MVB12B: variants seen among roughly 807,000 people sequenced by gnomAD.
MVB12B encodes multivesicular body subunit 12B, also known as ESCRT-I complex subunit MVB12B.
MVB12B carries 16 observed loss-of-function variants against 41.6 expected under a neutral mutation model. That is an observed-to-expected ratio of 0.38 (90% CI 0.26 to 0.58). The LOEUF is 0.58. MVB12B is among the 20% of genes least tolerant of loss of function. The pLI, the probability that MVB12B is intolerant of heterozygous loss-of-function variation, is 0.62. For missense variants in MVB12B, 274 were observed against 380.2 expected (o/e 0.72, Z 2.32); for synonymous variants, 133 against 139.7 (o/e 0.95, Z 0.34).
chr9:126,413,845 T>TGTGTGTGTGTG (rs1554776225), intron 6 of MVB12B, among the ~76,000 whole-genome samples: 9 of 139,218 alleles, frequency 6.5e-5, no homozygotes, highest in African/African-American at 1.6e-4. Context: ...TGTGTGTGTG[T>TGTGTGTGTGTG]GTGTGTGTAT....
At chr9:126,357,236 T>G (rs1362941494) in intron 2 of MVB12B, among the ~76,000 whole-genome samples, 1 of 152,238 alleles carries the variant, frequency 6.6e-6, no homozygotes, top group Non-Finnish European at 1.5e-5. Context: ...GTTGTACACC[T>G]GTATGACAGT....
intron 2 of MVB12B, among the ~76,000 whole-genome samples, chr9:126,368,001 T>C (rs879342384): frequency 6.6e-6 from 1 of 152,172 alleles, no homozygotes; most frequent in African/African-American, 2.4e-5. Context: ...AGCTTAGTGA[T>C]GATGGCACAT....
At chr9:126,422,090 ACC>A in intron 7 of MVB12B, 142 bp downstream of exon 7, 3 of 637,532 alleles carry the variant, frequency 4.7e-6, no homozygotes, top group South Asian at 1.8e-5. Context: ...CCCTGCAGGG[ACC>A]AGGCCTTCCC....
intron 2 of MVB12B, among the ~76,000 whole-genome samples, chr9:126,378,586 G>A (rs1456598957): frequency 6.6e-6 from 1 of 151,862 alleles, no homozygotes; most frequent in Non-Finnish European, 1.5e-5. Flanking sequence ...TTCCTTGGAG[G>A]TTAGGGGAGT....
Position 126,505,738 on chromosome 9 carries a change from CAGG to C in MVB12B, c.*2478_*2480del, listed in dbSNP as rs2119254223. 1 of 152,180 alleles carries C rather than the reference CAGG, an allele frequency of 6.6e-6. No homozygotes were observed. Among genetic ancestry groups the C allele is most frequent in the Non-Finnish European group, 1.5e-5 (1 of 68,038 alleles). The allele number at this position is 152,180 out of a possible 1,614,324, so 9.4% of individuals were successfully genotyped here. A position where few individuals can be genotyped will look rare whatever the true frequency, so the allele number is the denominator to read the frequency against. On this transcript the variant is annotated 3_prime_UTR_variant, in exon 10 of 10. Transcript: ENST00000361171. ...TAAGCCCACCTGAGTGGGGCTCGTG[CAGG>C]AGAACTGAGGCATGAAACTCTGGCT...
At chr9:126,427,930 C>G (rs1832225655) in intron 7 of MVB12B, among the ~76,000 whole-genome samples, 1 of 151,620 alleles carries the variant, frequency 6.6e-6, no homozygotes, top group African/African-American at 2.4e-5. Flanking sequence ...GGTGTATTGG[C>G]CACTCCTCTG....
chr9:126,458,570 G>A (rs1267047484), intron 7 of MVB12B, among the ~76,000 whole-genome samples: 1 of 152,098 alleles, frequency 6.6e-6, no homozygotes, highest in Non-Finnish European at 1.5e-5. Context: ...AAGAACAGGC[G>A]CCAGGTCTCC....
At chr9:126,463,714 T>C (rs1833138339) in intron 7 of MVB12B, among the ~76,000 whole-genome samples, 1 of 152,164 alleles carries the variant, frequency 6.6e-6, no homozygotes, top group Non-Finnish European at 1.5e-5. Context: ...CCATCCCCAA[T>C]TCTCTGGGCT....
rs190456394 is a variant in MVB12B at position 126,450,452 on chromosome 9, T to A, written c.757+28504T>A. ...GGAGACATTGTCAGCCTGCAGCTTA[T>A]TTGTCATGTCACAGCAGCCTTGTGG... On this transcript the variant is annotated intron_variant, in intron 7 of 9. Coordinates refer to ENST00000361171, the MANE Select transcript of MVB12B (RefSeq NM_033446.3). Among the ~76,000 whole-genome samples, 13 of 152,304 alleles carry A rather than the reference T, an allele frequency of 8.5e-5. No homozygotes were observed. In the East Asian group the frequency reaches 1.4e-3, roughly 16 times the overall value.
rs750379679 is a variant in MVB12B at position 126,503,254 on chromosome 9, G to A, written c.951G>A (p.Pro317=). 5.3e-5 allele frequency: 82 copies of A among 1,550,066 alleles called. No individual in the cohort carries two copies. Among genetic ancestry groups the A allele is most frequent in the Non-Finnish European group, 6.6e-5 (76 of 1,146,800 alleles). Residue 317 remains proline (P), a synonymous_variant, in exon 10 of 10, where the codon CCG becomes CCA. Coordinates refer to ENST00000361171, the MANE Select transcript of MVB12B (RefSeq NM_033446.3). ...PPSPTRCQQI[P]QS ...GCCCCACCAGGTGTCAGCAGATCCC[G>A]CAGTCCTGAGGAGCCAGCGGCCACC... is the stretch of plus-strand genomic sequence containing the variant.
chr9:126,445,565 C>T (rs138847621), intron 7 of MVB12B, among the ~76,000 whole-genome samples: 190 of 152,270 alleles, frequency 1.2e-3, no homozygotes, highest in African/African-American at 4.4e-3. Context: ...GGCCTCCCAA[C>T]GTGCTGGGAT....
Position 126,473,913 on chromosome 9 carries a change from T to C in MVB12B, c.758-7456T>C, listed in dbSNP as rs918391249. ...GGCAGTAAGCACGGATTCCCTTTCC[T>C]TTTCTATTTTGTAGAACTGGGCTTG... On this transcript the variant is annotated intron_variant, in intron 7 of 9. Transcript: ENST00000361171. This position sits in a 1 kb window ranked among gnomAD's most constrained non-coding sequence, Gnocchi z 4.0. 6.6e-6 allele frequency among the ~76,000 whole-genome samples: 1 copy of C among 152,230 alleles called. No individual in the cohort carries two copies. The highest frequency in any genetic ancestry group is 6.5e-5 in the Admixed American group (1 of 15,286).
intron 6 of MVB12B, among the ~76,000 whole-genome samples, chr9:126,410,867 T>A (rs1430434789): frequency 1.3e-5 from 2 of 151,466 alleles, no homozygotes; most frequent in South Asian, 2.1e-4. Context: ...TCTCAACAGA[T>A]GTTTGTTATT....
intron 2 of MVB12B, among the ~76,000 whole-genome samples, chr9:126,349,309 T>C (rs746639734): frequency 4.1e-4 from 63 of 152,272 alleles, no homozygotes; most frequent in South Asian, 1.2e-3. Flanking sequence ...AAGAACTCAG[T>C]ATTGGTTGGT....
chr9:126,365,636 C>T (rs570668245), intron 2 of MVB12B, among the ~76,000 whole-genome samples: 31 of 152,248 alleles, frequency 2.0e-4, no homozygotes, highest in African/African-American at 4.3e-4. Context: ...ACACTGCACC[C>T]GGCCTCCAGA....
intron 7 of MVB12B, among the ~76,000 whole-genome samples, chr9:126,464,896 T>A (rs1448792015): frequency 6.6e-6 from 1 of 152,188 alleles, no homozygotes; most frequent in Admixed American, 6.5e-5. Context: ...GCCAGGGCCA[T>A]TGTGAGGTTT....
chr9:126,443,995 T>C (rs187116261), intron 7 of MVB12B, among the ~76,000 whole-genome samples: 1 of 152,368 alleles, frequency 6.6e-6, no homozygotes, highest in Admixed American at 6.5e-5. Flanking sequence ...GAGTCTTCCA[T>C]GTTATTGCAT....
At chr9:126,497,802 A>G (rs1361446284) in intron 9 of MVB12B, among the ~76,000 whole-genome samples, 1 of 152,220 alleles carries the variant, frequency 6.6e-6, no homozygotes, top group African/African-American at 2.4e-5. Flanking sequence ...GTAGGAAGCA[A>G]GGACTTCAGC....
chr9:126,349,785 C>G (rs1425191980), intron 2 of MVB12B, among the ~76,000 whole-genome samples: 1 of 152,168 alleles, frequency 6.6e-6, no homozygotes, highest in East Asian at 1.9e-4. Flanking sequence ...TGTTTTCATT[C>G]TGGAGCCATT....
Sources: allele counts gnomAD v4.1 joint callset (sites outside exome capture counted in the v4.1 genomes callset), GRCh38; gene constraint gnomAD v4.1.1; non-coding constraint Gnocchi (gnomAD v3.1); transcripts MANE v1.5; gene names NCBI Gene and HGNC (gene_info 2026-07-23, HGNC 2026-07-21).